ERICH1: variants seen among roughly 807,000 people sequenced by gnomAD.
The protein encoded by ERICH1 is glutamate rich 1, also known as glutamate-rich protein 1.
In ERICH1, 56 loss-of-function variants were observed where a neutral mutation model predicts 39.6. That is an observed-to-expected ratio of 1.41 (90% CI 1.14 to 1.77). The LOEUF is 1.77. ERICH1 is among the 40% of genes most tolerant of loss of function. The pLI, the probability that ERICH1 is intolerant of heterozygous loss-of-function variation, is 0.00. For synonymous variants in ERICH1, 313 were observed against 223.6 expected (o/e 1.40, Z -3.57); for missense variants, 826 against 575.4 (o/e 1.44, Z -4.45).
At chr8:635,444 G>C (rs1306615235) in intron 3 of ERICH1, among the ~76,000 whole-genome samples, 3 of 152,212 alleles carry the variant, frequency 2.0e-5, no homozygotes, top group Non-Finnish European at 4.4e-5. Flanking sequence ...CTGGCTGTGA[G>C]AGGGGCTGTC....
At chr8:632,891 C>T (rs1311856234) in intron 3 of ERICH1, among the ~76,000 whole-genome samples, 2 of 152,196 alleles carry the variant, frequency 1.3e-5, no homozygotes, top group Non-Finnish European at 2.9e-5. Context: ...CGGCTCAACA[C>T]CCCACAGTGC....
At chr8:641,859 C>G (rs1257389287) in intron 3 of ERICH1, among the ~76,000 whole-genome samples, 1 of 152,246 alleles carries the variant, frequency 6.6e-6, no homozygotes, top group Non-Finnish European at 1.5e-5. Flanking sequence ...CAAAACCCCA[C>G]GGTGCCTCTG....
intron 3 of ERICH1, among the ~76,000 whole-genome samples, chr8:680,805 G>A (rs1805951227): frequency 6.6e-6 from 1 of 152,204 alleles, no homozygotes; most frequent in Admixed American, 6.5e-5. Flanking sequence ...CAGTGTGTGA[G>A]AGAGCCCAGA....
At chr8:711,292 T>C (rs1411416771) in intron 2 of ERICH1, among the ~76,000 whole-genome samples, 1 of 152,204 alleles carries the variant, frequency 6.6e-6, no homozygotes, top group Non-Finnish European at 1.5e-5. Context: ...CTTCATTCTC[T>C]TGACAATGTC....
intron 3 of ERICH1, among the ~76,000 whole-genome samples, chr8:641,617 T>A (rs1260184360): frequency 6.6e-6 from 1 of 152,246 alleles, no homozygotes; most frequent in African/African-American, 2.4e-5. Context: ...TGATTAATTG[T>A]ACTGGGAGGA....
At chr8:615,261 T>C (rs1438423077) in exon 4 of ERICH1, 1 of 697,738 alleles carries the variant, frequency 1.4e-6, no homozygotes, top group African/African-American at 1.8e-5. Flanking sequence ...CTTATTTTCT[T>C]GGCTTTAAGT....
At chr8:668,167 T>TTAAA in intron 5 of ERICH1, 2 of 254,224 alleles carry the variant, frequency 7.9e-6, no homozygotes, top group South Asian at 4.8e-5. Flanking sequence ...ACAGTTTGCA[T>TTAAA]GAAAAGGATG....
At chr8:705,191 C>T (rs575096775) in intron 2 of ERICH1, among the ~76,000 whole-genome samples, 32 of 152,324 alleles carry the variant, frequency 2.1e-4, no homozygotes, top group Non-Finnish European at 2.5e-4. Context: ...CATTTTCCTC[C>T]GTCTCATGTC....
chr8:658,580 T>C (rs1800970127), intron 3 of ERICH1, among the ~76,000 whole-genome samples: 1 of 152,146 alleles, frequency 6.6e-6, no homozygotes, highest in Non-Finnish European at 1.5e-5. Flanking sequence ...CCCACGTCCA[T>C]GTTGATCCTG....
At chr8:722,033 A>G (rs1307001161) in intron 1 of ERICH1, among the ~76,000 whole-genome samples, 1 of 152,114 alleles carries the variant, frequency 6.6e-6, no homozygotes, top group Non-Finnish European at 1.5e-5. Flanking sequence ...GCATGGCCCA[A>G]ATGAAAATGC....
downstream of ERICH1, among the ~76,000 whole-genome samples, chr8:663,838 C>A (rs960047843): frequency 9.2e-5 from 14 of 152,040 alleles, no homozygotes; most frequent in African/African-American, 2.9e-4. Flanking sequence ...CAGCTCACTG[C>A]AAGCTCTGCC....
intron 2 of ERICH1, among the ~76,000 whole-genome samples, chr8:698,583 G>A (rs1013219563): frequency 8.6e-5 from 13 of 151,956 alleles, no homozygotes; most frequent in African/African-American, 2.9e-4. Context: ...TGACAAGGTG[G>A]TCATTGAAAA....
chr8:687,592 G>A (rs1387957967), intron 3 of ERICH1, among the ~76,000 whole-genome samples: 1 of 152,150 alleles, frequency 6.6e-6, no homozygotes, highest in African/African-American at 2.4e-5. Flanking sequence ...CAGGGAGCAG[G>A]ACTGGAGGGA....
At position 630,265 on chromosome 8, in the gene ERICH1, C is replaced by G. The variant is rs1669661; in HGVS notation, c.977-14981G>C. Among the ~76,000 whole-genome samples the G allele has an allele frequency of 9.7e-3, 929 of 95,498 alleles. 11 individuals are homozygous for G. Among genetic ancestry groups the G allele is most frequent in the East Asian group, 0.012 (39 of 3,206 alleles). The allele number at this position is 95,498 out of a possible 152,430, so 62.7% of individuals were successfully genotyped here. Reference sequence around the variant, plus strand: ...AGAGCTGACTCACACCCTCCCGTGACCACCCACAGGCAGAGGTGACTCACA... The same window carrying G: ...AGAGCTGACTCACACCCTCCCGTGAGCACCCACAGGCAGAGGTGACTCACA... On this transcript the variant is annotated intron_variant, in intron 3 of 3. Coordinates refer to the ERICH1 transcript ENST00000522706.
intron 3 of ERICH1, chr8:626,897 A>C (rs746225546): frequency 3.2e-5 from 10 of 310,836 alleles, no homozygotes; most frequent in Non-Finnish European, 5.9e-5. Flanking sequence ...GAACCTGTTC[A>C]TTCTTGCCTA....
At chr8:631,131 A>G (rs1798012599) in intron 3 of ERICH1, among the ~76,000 whole-genome samples, 1 of 152,202 alleles carries the variant, frequency 6.6e-6, no homozygotes, top group Non-Finnish European at 1.5e-5. Flanking sequence ...GATCACCCAC[A>G]TGAGGCAGAG....
intron 1 of ERICH1, among the ~76,000 whole-genome samples, chr8:720,826 G>A (rs1023746170): frequency 6.6e-6 from 1 of 152,198 alleles, no homozygotes; most frequent in African/African-American, 2.4e-5. Flanking sequence ...TTTCCCAGTG[G>A]CCCACACACT....
chr8:622,722 G>A (rs57661740), intron 3 of ERICH1, among the ~76,000 whole-genome samples: 5,598 of 152,242 alleles, frequency 0.037, 310 homozygotes, highest in African/African-American at 0.13. Context: ...GGAGGCTGAG[G>A]TGGGAGGATC....
chr8:700,902 C>T (rs991626015), intron 2 of ERICH1, among the ~76,000 whole-genome samples: 1 of 152,242 alleles, frequency 6.6e-6, no homozygotes, highest in African/African-American at 2.4e-5. Flanking sequence ...AGCAAACCTA[C>T]CTTCAATGCA....
Sources: gnomAD v4.1 joint callset for allele counts (sites outside exome capture counted in the v4.1 genomes callset) on GRCh38, gnomAD v4.1.1 for gene constraint, MANE v1.5 for transcripts, NCBI Gene and HGNC (gene_info 2026-07-23, HGNC 2026-07-21) for gene names.